The following ANKRD13C variants were observed in gnomAD, a reference collection of about 807,000 sequenced individuals.
ANKRD13C encodes ankyrin repeat domain-containing protein 13C.
A neutral mutation model predicts 65.5 loss-of-function variants in ANKRD13C; 16 were observed. The observed-to-expected ratio is 0.24, with a 90% CI of 0.17 to 0.37. ANKRD13C has a LOEUF of 0.37. Among genes scored for constraint, ANKRD13C ranks in the 10% least tolerant of loss-of-function variants. The pLI, the probability that ANKRD13C is intolerant of heterozygous loss-of-function variation, is 1.00. For synonymous variants in ANKRD13C, 235 were observed against 238.7 expected (o/e 0.98, Z 0.14); for missense variants, 503 against 655.9 (o/e 0.77, Z 2.55).
At chr1:70,283,571 C>T (rs1679492009) in intron 9 of ANKRD13C, among the ~76,000 whole-genome samples, 1 of 151,972 alleles carries the variant, frequency 6.6e-6, no homozygotes, top group African/African-American at 2.4e-5. Context: ...AATCCCAGCA[C>T]TTTAGGAGGT....
At chr1:70,307,319 T>C (rs890430072) in intron 5 of ANKRD13C, among the ~76,000 whole-genome samples, 1 of 152,134 alleles carries the variant, frequency 6.6e-6, no homozygotes, top group African/African-American at 2.4e-5. Context: ...GATAAATCGC[T>C]TGAGCCCAGG....
intron 12 of ANKRD13C, among the ~76,000 whole-genome samples, chr1:70,268,723 T>C (rs1012304782): frequency 6.6e-6 from 1 of 152,044 alleles, no homozygotes; most frequent in Non-Finnish European, 1.5e-5. Context: ...AGGATGAAGA[T>C]TTGATGATGA....
chr1:70,353,500 A>C (rs1682843258), intron 1 of ANKRD13C, among the ~76,000 whole-genome samples: 1 of 152,220 alleles, frequency 6.6e-6, no homozygotes. Flanking sequence ...CAGACAAAAA[A>C]GAAACAACCT....
At chr1:70,306,142 A>G in intron 6 of ANKRD13C, 82 bp downstream of exon 6, 5 of 934,878 alleles carry the variant, frequency 5.3e-6, no homozygotes, top group Non-Finnish European at 7.9e-6. Context: ...CATAAAACAC[A>G]TGTAAGTTAT....
At chr1:70,302,441 T>C (rs1234478200) in intron 6 of ANKRD13C, among the ~76,000 whole-genome samples, 1 of 147,058 alleles carries the variant, frequency 6.8e-6, no homozygotes, top group Non-Finnish European at 1.5e-5. Context: ...AAGAAAATAG[T>C]ATTGGCCGGG....
rs887073221 is a variant in ANKRD13C, at chr1:70,259,392, C to T, written c.*3325G>A. 1.3e-5 allele frequency among the ~76,000 whole-genome samples: 2 copies of T among 152,054 alleles called. No homozygotes were observed. Among genetic ancestry groups the T allele is most frequent in the African/African-American group, 4.8e-5 (2 of 41,418 alleles). On this transcript the variant is annotated 3_prime_UTR_variant, in exon 13 of 13. Coordinates refer to ENST00000370944, the MANE Select transcript of ANKRD13C (RefSeq NM_030816.5). ...AATATTTTTCAGTGTGTGGAAAAAGCAAAATTGTAATTCTATGTACCATAG... is the reference window on the plus strand; with the variant it reads ...AATATTTTTCAGTGTGTGGAAAAAGTAAAATTGTAATTCTATGTACCATAG...
intron 8 of ANKRD13C, chr1:70,293,757 A>G (rs950295452): frequency 6.4e-6 from 1 of 156,638 alleles, no homozygotes; most frequent in African/African-American, 2.4e-5. Flanking sequence ...ATTTCCTAAC[A>G]GAATTTATCT....
rs116570125 is a variant in ANKRD13C at position 70,278,110 on chromosome 1, G to T, written c.1216-1266C>A. Among the ~76,000 whole-genome samples, 329 of 151,214 alleles carry T rather than the reference G, an allele frequency of 2.2e-3. 3 individuals are homozygous for T. The highest frequency in any genetic ancestry group is 7.7e-3 in the African/African-American group (316 of 41,206). ...AAGCTGAGGCGGGAGGATCACTTGA[G>T]ACCAGGAAGTTGATGCTGCAGTAAG... On this transcript the variant is annotated intron_variant, in intron 9 of 12. Transcript: ENST00000370944.
chr1:70,353,824 C>A (rs1037466979), intron 1 of ANKRD13C, 155 bp downstream of exon 1: 55 of 1,007,336 alleles, frequency 5.5e-5, no homozygotes, highest in Non-Finnish European at 6.6e-5. Flanking sequence ...TGACCACTGG[C>A]ACGCTATTAC....
At chr1:70,306,396 T>A in intron 5 of ANKRD13C, 106 bp from the exon 6 acceptor site, 1 of 637,488 alleles carries the variant, frequency 1.6e-6, no homozygotes, top group Non-Finnish European at 2.5e-6. Context: ...CAAATTATAA[T>A]AATTTCCTTT....
intron 2 of ANKRD13C, among the ~76,000 whole-genome samples, chr1:70,334,405 CT>C (rs1384755191): frequency 1.3e-5 from 2 of 152,002 alleles, no homozygotes; most frequent in Admixed American, 1.3e-4. Flanking sequence ...AGCAAAAGAA[CT>C]TTGTTTTTCA....
At chr1:70,313,877 A>G in intron 4 of ANKRD13C, 87 bp from the exon 5 acceptor site, 1 of 914,302 alleles carries the variant, frequency 1.1e-6, no homozygotes, top group Non-Finnish European at 1.8e-6. Flanking sequence ...TTAAAACATT[A>G]TAATACATGC....
chr1:70,279,076 A>C (rs1164869145), intron 9 of ANKRD13C, among the ~76,000 whole-genome samples: 2 of 151,510 alleles, frequency 1.3e-5, no homozygotes, highest in African/African-American at 4.8e-5. Flanking sequence ...GCATGGTGGC[A>C]CACATCTGTG....
chr1:70,292,638 A>G (rs1051409244), intron 8 of ANKRD13C, 89 bp from the exon 9 acceptor site: 95 of 943,754 alleles, frequency 1.0e-4, no homozygotes, highest in Non-Finnish European at 1.4e-4. Flanking sequence ...TGTAACATGT[A>G]GGTGAAAATA....
rs1247059913 is a variant in ANKRD13C, at chr1:70,300,773, T to C, written c.912A>G (p.Ile304Met). The C allele has an allele frequency of 6.2e-7, 1 of 1,608,630 alleles. No homozygotes were observed. The highest frequency in any genetic ancestry group is 1.7e-5 in the Admixed American group (1 of 58,352). Residue 304 changes from isoleucine (I) to methionine (M), a missense_variant, in exon 7 of 13, where the codon ATA becomes ATG. Around this residue, in one of 2 missense-constraint regions of ANKRD13C, gnomAD observed 300 missense variants for 478.3 expected, o/e 0.63. Coordinates refer to ENST00000370944, the MANE Select transcript of ANKRD13C (RefSeq NM_030816.5). ...LDNEQKVYQR[I>M]HHEESEMETE... ...AAGACAACATGCTCACCTCATGATGTATTCGCTGATAAACTTTTTGTTCAT... is the reference window on the plus strand; with the variant it reads ...AAGACAACATGCTCACCTCATGATGCATTCGCTGATAAACTTTTTGTTCAT...
intron 9 of ANKRD13C, among the ~76,000 whole-genome samples, chr1:70,281,269 T>C (rs1679375356): frequency 6.6e-6 from 1 of 152,118 alleles, no homozygotes. Flanking sequence ...GTCTCCCCAG[T>C]ATCTGTTCTC....
At chr1:70,320,234 C>A (rs1264046264) in intron 3 of ANKRD13C, among the ~76,000 whole-genome samples, 1 of 152,180 alleles carries the variant, frequency 6.6e-6, no homozygotes. Context: ...CAATTTTGGT[C>A]TTTGTCCTCA....
At chr1:70,268,228 G>A (rs1254068379) in intron 12 of ANKRD13C, among the ~76,000 whole-genome samples, 2 of 151,946 alleles carry the variant, frequency 1.3e-5, no homozygotes, top group Non-Finnish European at 2.9e-5. Flanking sequence ...GGAGTGCAAT[G>A]GCGTGATCTT....
At chr1:70,280,324 T>C (rs749703963) in intron 9 of ANKRD13C, among the ~76,000 whole-genome samples, 1 of 151,228 alleles carries the variant, frequency 6.6e-6, no homozygotes, top group Non-Finnish European at 1.5e-5. Context: ...AATTGAGGAG[T>C]CTAAAAAAGA....
Sources: gnomAD v4.1 joint callset for allele counts (sites outside exome capture counted in the v4.1 genomes callset) on GRCh38, gnomAD v4.1.1 for gene constraint, gnomAD v4.1.1 regional missense constraint, MANE v1.5 for transcripts, NCBI Gene and HGNC (gene_info 2026-07-23, HGNC 2026-07-21) for gene names.